RASA3: variants seen among roughly 807,000 people sequenced by gnomAD.
RASA3 encodes the protein RAS p21 protein activator 3.
In RASA3, 73 loss-of-function variants were observed where a neutral mutation model predicts 110.0. The observed-to-expected ratio is 0.66, with a 90% CI of 0.55 to 0.81. The LOEUF is 0.81. Ranked by LOEUF, RASA3 falls within the 30% of genes least tolerant of loss-of-function variation. RASA3 has a pLI of 0.00. For missense variants in RASA3, 976 were observed against 1,113.2 expected (o/e 0.88, Z 1.75); for synonymous variants, 500 against 451.4 (o/e 1.11, Z -1.37).
At chr13:114,019,930 T>G (rs12584399) in intron 9 of RASA3, among the ~76,000 whole-genome samples, 2 of 47,464 alleles carry the variant, frequency 4.2e-5, no homozygotes, top group African/African-American at 3.3e-4. Flanking sequence ...GTGGAGCCTG[T>G]GTCCGAGGCA....
chr13:114,109,228 C>T (rs997619748), intron 1 of RASA3, among the ~76,000 whole-genome samples: 7 of 152,214 alleles, frequency 4.6e-5, no homozygotes, highest in Admixed American at 3.9e-4. Context: ...GCCTCTGGTG[C>T]CAGGGTCTTG....
rs1438989266 is a variant in RASA3 at position 114,023,319 on chromosome 13, A to ACATCCCAGGCTCGGGGG, written c.680+943_680+959dup. ...CTTGGGGGCATCCCAGGCTCAGGGA[A>ACATCCCAGGCTCGGGGG]CATCCCAGGCTCGGGGGCATCCCAG... On this transcript the variant is annotated intron_variant, in intron 8 of 23. Transcript: ENST00000334062. Among the ~76,000 whole-genome samples, 14 of 151,268 alleles carry ACATCCCAGGCTCGGGGG rather than the reference A, an allele frequency of 9.3e-5. No individual in the cohort carries two copies. In the South Asian group the frequency reaches 1.3e-3, roughly 14 times the overall value.
chr13:114,087,355 G>A (rs116105225), intron 1 of RASA3, among the ~76,000 whole-genome samples: 2,450 of 152,266 alleles, frequency 0.016, 72 homozygotes, highest in African/African-American at 0.056. Context: ...TGAGTCTGGA[G>A]TATTTATTCC....
intron 4 of RASA3, 83 bp from the exon 5 acceptor site, chr13:114,029,970 G>A (rs1326034389): frequency 2.3e-6 from 3 of 1,324,504 alleles, no homozygotes; most frequent in African/African-American, 1.5e-5. Context: ...GGAAAGCCTA[G>A]AGGGCAAAGG....
At chr13:114,040,950 C>T (rs377350783) in intron 4 of RASA3, 50 bp downstream of exon 4, 1 of 1,574,926 alleles carries the variant, frequency 6.3e-7, no homozygotes. Context: ...GTCTCGAAGC[C>T]CCATGGTGTC....
chr13:114,122,765 GC>G (rs2080396019), intron 1 of RASA3, among the ~76,000 whole-genome samples: 1 of 151,492 alleles, frequency 6.6e-6, no homozygotes, highest in Non-Finnish European at 1.5e-5. Context: ...AGTGAGGGAC[GC>G]AGCTAGGAAG....
chr13:114,129,083 G>T (rs557212323), intron 1 of RASA3, among the ~76,000 whole-genome samples: 5 of 152,250 alleles, frequency 3.3e-5, no homozygotes, highest in African/African-American at 4.8e-5. Flanking sequence ...GCACGCCTTG[G>T]GGGCGGGGGC....
At chr13:114,079,928 C>G (rs934383531) in intron 1 of RASA3, among the ~76,000 whole-genome samples, 1 of 152,116 alleles carries the variant, frequency 6.6e-6, no homozygotes, top group Non-Finnish European at 1.5e-5. Flanking sequence ...GGGGGGGCCC[C>G]GAGGCAGGGG....
intron 21 of RASA3, among the ~76,000 whole-genome samples, chr13:113,993,057 T>C (rs2053155996): frequency 6.6e-6 from 1 of 152,220 alleles, no homozygotes; most frequent in African/African-American, 2.4e-5. Flanking sequence ...GTAATACTTG[T>C]ACATTTTTAG....
chr13:114,016,622 C>T (rs1024514896), intron 12 of RASA3, among the ~76,000 whole-genome samples: 1 of 152,232 alleles, frequency 6.6e-6, no homozygotes, highest in African/African-American at 2.4e-5. Context: ...TGTGCGCCCG[C>T]GATCAGACGA....
intron 3 of RASA3, among the ~76,000 whole-genome samples, chr13:114,041,555 C>A (rs1000679226): frequency 3.3e-5 from 5 of 152,236 alleles, no homozygotes; most frequent in Non-Finnish European, 5.9e-5. Flanking sequence ...CTGGCTGCAC[C>A]AGAGCTCTGA....
intron 18 of RASA3, among the ~76,000 whole-genome samples, chr13:114,005,462 C>G (rs900071385): frequency 6.6e-6 from 1 of 152,036 alleles, no homozygotes; most frequent in East Asian, 1.9e-4. Flanking sequence ...GGGACACAGA[C>G]GTCCCCCTCC....
chr13:114,013,304 GACA>G, intron 14 of RASA3, 56 bp from the exon 15 acceptor site: 1 of 1,372,450 alleles, frequency 7.3e-7, no homozygotes, highest in Non-Finnish European at 1.0e-6. Context: ...GCCTCGTGGG[GACA>G]CCATGCCCCG....
At chr13:114,009,643 C>T (rs759998030) in intron 16 of RASA3, among the ~76,000 whole-genome samples, 179 bp from the exon 17 acceptor site, 47 of 152,266 alleles carry the variant, frequency 3.1e-4, no homozygotes, top group Non-Finnish European at 6.3e-4. Context: ...TCACATAAAT[C>T]GCTCAGGCGC....
chr13:113,980,429 G>A (rs1011484842), intron 23 of RASA3, among the ~76,000 whole-genome samples: 106 of 93,854 alleles, frequency 1.1e-3, no homozygotes, highest in Non-Finnish European at 1.5e-3. Flanking sequence ...CACCTCCTCC[G>A]TGTGTGCACC....
rs1288133115 is a variant in RASA3 at position 114,014,123 on chromosome 13, C to G, written c.1406-875G>C. On this transcript the variant is annotated intron_variant, in intron 14 of 23. Coordinates refer to ENST00000334062, the MANE Select transcript of RASA3 (RefSeq NM_007368.4). The surrounding 1 kb of genome is among the most constrained non-coding windows in gnomAD (Gnocchi z 4.5). Reference sequence around the variant, plus strand: ...CTCTCCCTGTCTCTCTCTCTCTCTCCTTGTCTCTCTCTGTCTCTCTCCTTC... The same window carrying G: ...CTCTCCCTGTCTCTCTCTCTCTCTCGTTGTCTCTCTCTGTCTCTCTCCTTC... Among the ~76,000 whole-genome samples the G allele has an allele frequency of 6.7e-6, 1 of 148,496 alleles. No individual in the cohort carries two copies. The highest frequency in any genetic ancestry group is 6.9e-5 in the Admixed American group (1 of 14,542).
intron 1 of RASA3, among the ~76,000 whole-genome samples, chr13:114,117,102 TGAG>T (rs1287889077): frequency 1.8e-5 from 2 of 113,802 alleles, no homozygotes; most frequent in Non-Finnish European, 3.5e-5. Context: ...TGCATGTGTG[TGAG>T]GAGAGCACGT....
intron 1 of RASA3, among the ~76,000 whole-genome samples, chr13:114,127,825 G>T (rs1419377212): frequency 6.6e-6 from 1 of 152,212 alleles, no homozygotes; most frequent in African/African-American, 2.4e-5. Context: ...TGGAGCTGGG[G>T]TGCTTGGGCC....
rs2053733482 is a variant in RASA3, at chr13:114,014,045, TC to T, written c.1406-798del. Among the ~76,000 whole-genome samples the T allele has an allele frequency of 8.1e-6, 1 of 123,840 alleles. No individual in the cohort carries two copies. The highest frequency in any genetic ancestry group is 1.9e-5 in the Non-Finnish European group (1 of 51,580). 81.2% of individuals were successfully genotyped at this position (123,840 alleles called of 152,430 possible). A position where few individuals can be genotyped will look rare whatever the true frequency, so the allele number is the denominator to read the frequency against. On this transcript the variant is annotated intron_variant, in intron 14 of 23. Transcript: ENST00000334062. The surrounding 1 kb of genome is among the most constrained non-coding windows in gnomAD (Gnocchi z 4.5). The stretch of plus-strand genomic sequence containing the variant: ...ATCTCTCTCTCTCCGTCTCTATCTC[TC>T]TCTCCGTCTGTCTCTGCCTCTCTCT...
Sources: allele counts gnomAD v4.1 joint callset (sites outside exome capture counted in the v4.1 genomes callset), GRCh38; gene constraint gnomAD v4.1.1; non-coding constraint Gnocchi (gnomAD v3.1); transcripts MANE v1.5; gene names NCBI Gene and HGNC (gene_info 2026-07-23, HGNC 2026-07-21).